The following THRB variants were observed in gnomAD, a reference collection of about 807,000 sequenced individuals.
The protein encoded by THRB is thyroid hormone receptor beta.
A neutral mutation model predicts 47.8 loss-of-function variants in THRB; 12 were observed. The observed-to-expected ratio is 0.25, with a 90% confidence interval of 0.16 to 0.41. The LOEUF (loss-of-function observed/expected upper bound fraction) is 0.41. Among genes scored for constraint, THRB ranks in the 10% least tolerant of loss-of-function variants. The pLI is 1.00. For missense variants in THRB, 348 were observed against 589.2 expected, an observed-to-expected ratio of 0.59 and a Z score of 4.24; for synonymous variants, 218 against 212.2, an observed-to-expected ratio of 1.03 and a Z score of -0.24.
At chr3:24,377,868 C>T (rs1285472361) in intron 1 of THRB, among the ~76,000 whole-genome samples, 2 of 152,094 alleles carry the variant, frequency 1.3e-5, no homozygotes, top group African/African-American at 4.8e-5. Flanking sequence ...GGACTTTCCA[C>T]AGTCAGCTAG....
chr3:24,473,453 G>A (rs936738260), intron 1 of THRB, among the ~76,000 whole-genome samples: 1 of 152,186 alleles, frequency 6.6e-6, no homozygotes, highest in Non-Finnish European at 1.5e-5. Flanking sequence ...ATGCTGTAGA[G>A]GATGTGGAGA....
chr3:24,319,307 A>C (rs966803246), intron 2 of THRB, among the ~76,000 whole-genome samples: 5 of 152,234 alleles, frequency 3.3e-5, no homozygotes, highest in African/African-American at 1.2e-4. Flanking sequence ...CCCAAACTGG[A>C]AACAATCCAG....
intron 1 of THRB, among the ~76,000 whole-genome samples, chr3:24,441,273 A>G (rs1031829917): frequency 4.6e-5 from 7 of 152,188 alleles, no homozygotes; most frequent in African/African-American, 1.7e-4. Context: ...GGGCGTGATT[A>G]TCATATTCAC....
At chr3:24,281,191 G>C (rs1022921285) in intron 3 of THRB, among the ~76,000 whole-genome samples, 3 of 152,114 alleles carry the variant, frequency 2.0e-5, no homozygotes, top group African/African-American at 2.4e-5. Flanking sequence ...CAGAGACAAA[G>C]GTCGGGTTAC....
chr3:24,379,874 C>A (rs1292985334), intron 1 of THRB, among the ~76,000 whole-genome samples: 1 of 151,840 alleles, frequency 6.6e-6, no homozygotes, highest in Non-Finnish European at 1.5e-5. Context: ...ACCACTATTG[C>A]AATCTATCTG....
chr3:24,236,509 C>T (rs1051350008), intron 3 of THRB, among the ~76,000 whole-genome samples: 1 of 152,024 alleles, frequency 6.6e-6, no homozygotes, highest in African/African-American at 2.4e-5. Context: ...CTCAATCATC[C>T]CAAAGGCATG....
intron 1 of THRB, among the ~76,000 whole-genome samples, chr3:24,398,973 C>T (rs1480309312): frequency 4.6e-5 from 7 of 151,262 alleles, no homozygotes; most frequent in Non-Finnish European, 1.0e-4. Flanking sequence ...CAAACTATCG[C>T]AAGGACAAAA....
chr3:24,483,746 A>G (rs980394034), intron 1 of THRB, among the ~76,000 whole-genome samples: 4 of 152,236 alleles, frequency 2.6e-5, no homozygotes, highest in African/African-American at 7.2e-5. Context: ...GAACTTAGTT[A>G]CCTCATTGAA....
intron 5 of THRB, among the ~76,000 whole-genome samples, chr3:24,168,627 C>T (rs1575557022): frequency 1.3e-5 from 2 of 151,512 alleles, no homozygotes; most frequent in East Asian, 2.0e-4. Flanking sequence ...ATTTGAGAAC[C>T]ACTTGTTCTA....
At chr3:24,132,426 ACTT>A (rs1436343038) in intron 9 of THRB, among the ~76,000 whole-genome samples, 1 of 152,270 alleles carries the variant, frequency 6.6e-6, no homozygotes, top group African/African-American at 2.4e-5. Context: ...ACTATGGAAT[ACTT>A]ATTATAACCC....
chr3:24,312,786 C>A (rs78204232), intron 2 of THRB, among the ~76,000 whole-genome samples: 1 of 152,062 alleles, frequency 6.6e-6, no homozygotes, highest in Non-Finnish European at 1.5e-5. Context: ...TGTGGAAGAG[C>A]GAATATTTTA....
chr3:24,248,479 G>T (rs2050330585), intron 3 of THRB, among the ~76,000 whole-genome samples: 1 of 151,686 alleles, frequency 6.6e-6, no homozygotes, highest in Admixed American at 6.6e-5. Context: ...TGACCCAAAA[G>T]CTGGGTGCTA....
At chr3:24,381,948 A>G (rs9819450) in intron 1 of THRB, among the ~76,000 whole-genome samples, 5,785 of 152,236 alleles carry the variant, frequency 0.038, 329 homozygotes, top group African/African-American at 0.13. Flanking sequence ...ATGACATAGC[A>G]ACTATGTAAA....
intron 1 of THRB, among the ~76,000 whole-genome samples, chr3:24,491,048 A>G (rs1269920291): frequency 1.3e-5 from 2 of 152,200 alleles, no homozygotes; most frequent in Non-Finnish European, 2.9e-5. Flanking sequence ...GTTGGCAAGC[A>G]CCATGGCAGG....
chr3:24,417,136 A>AGTG (rs1553752912), intron 1 of THRB, among the ~76,000 whole-genome samples: 37,903 of 151,128 alleles, frequency 0.25, 5,232 homozygotes, highest in East Asian at 0.4. Context: ...ACACACACAC[A>AGTG]CACGCGCAAC....
intron 3 of THRB, among the ~76,000 whole-genome samples, chr3:24,236,841 T>C (rs541846299): frequency 1.3e-5 from 2 of 152,276 alleles, no homozygotes; most frequent in East Asian, 1.9e-4. Flanking sequence ...CCCGAGCCCT[T>C]TGCATTTTAA....
At chr3:24,351,139 G>A (rs1252569291) in intron 1 of THRB, among the ~76,000 whole-genome samples, 1 of 151,746 alleles carries the variant, frequency 6.6e-6, no homozygotes, top group African/African-American at 2.4e-5. Context: ...CCCAAATCAT[G>A]CAAGAAATCA....
chr3:24,470,380 T>G (rs2125752925), intron 1 of THRB, among the ~76,000 whole-genome samples: 1 of 152,326 alleles, frequency 6.6e-6, no homozygotes, highest in South Asian at 2.1e-4. Context: ...GAACTTACAC[T>G]TCACGTGACT....
chr3:24,326,219 C>A (rs541440558), intron 2 of THRB, among the ~76,000 whole-genome samples: 2 of 152,136 alleles, frequency 1.3e-5, no homozygotes, highest in Non-Finnish European at 2.9e-5. Flanking sequence ...TCCACCACCA[C>A]GGTTAGTTAC....
Sources: allele counts gnomAD v4.1 joint callset (sites outside exome capture counted in the v4.1 genomes callset), GRCh38; gene constraint gnomAD v4.1.1; transcripts MANE v1.5; gene names NCBI Gene and HGNC (gene_info 2026-07-23, HGNC 2026-07-21).